RAB28: variants seen among roughly 807,000 people sequenced by gnomAD.
RAB28 encodes ras-related protein Rab-28.
In RAB28, 24 loss-of-function variants were observed where a neutral mutation model predicts 31.7. The observed-to-expected ratio is 0.76, with a 90% CI of 0.55 to 1.06. The LOEUF (loss-of-function observed/expected upper bound fraction) is 1.06, where lower values mean the gene tolerates loss of function less well. Ranked by LOEUF, RAB28 falls within the 50% of genes least tolerant of loss-of-function variation. RAB28 has a pLI of 0.00. For synonymous variants in RAB28, 100 were observed against 90.4 expected (o/e 1.11, Z -0.60); for missense variants, 254 against 258.5 (o/e 0.98, Z 0.12).
At chr4:13,466,546 A>G (rs1225777713) in intron 3 of RAB28, among the ~76,000 whole-genome samples, 1 of 151,968 alleles carries the variant, frequency 6.6e-6, no homozygotes, top group East Asian at 1.9e-4. Context: ...GAAAGATAAC[A>G]AGTATCAGTG....
At chr4:13,385,249 G>A (rs1172052541) in intron 4 of RAB28, among the ~76,000 whole-genome samples, 1 of 152,132 alleles carries the variant, frequency 6.6e-6, no homozygotes, top group Non-Finnish European at 1.5e-5. Flanking sequence ...AAACAGATGG[G>A]GAGATTGGAA....
intron 4 of RAB28, among the ~76,000 whole-genome samples, chr4:13,417,797 C>A (rs1045193805): frequency 8.5e-5 from 13 of 152,190 alleles, no homozygotes; most frequent in African/African-American, 3.1e-4. Context: ...GGGGAGAAAC[C>A]AGAGGAGAAA....
chr4:13,484,179 G>C lies in RAB28; in HGVS notation c.-29C>G. 1.3e-6 allele frequency: 2 copies of C among 1,551,360 alleles called. No individual in the cohort carries two copies. The highest frequency in any genetic ancestry group is 1.4e-5 in the African/African-American group (1 of 73,628). On this transcript the variant is annotated 5_prime_UTR_variant, in exon 1 of 7. Coordinates refer to ENST00000330852, the MANE Select transcript of RAB28 (RefSeq NM_001017979.3). ...GTCCCGGGAACCAGGCCCGCCCCTC[G>C]AGGTGGGGGGGGAAGGGAAGGATGA...
At chr4:13,483,035 C>G (rs1560150106) in intron 1 of RAB28, among the ~76,000 whole-genome samples, 1 of 152,124 alleles carries the variant, frequency 6.6e-6, no homozygotes, top group Non-Finnish European at 1.5e-5. Context: ...AAGGGGAGTA[C>G]AGGGGTGATA....
chr4:13,441,533 T>C (rs1196852029), intron 4 of RAB28, among the ~76,000 whole-genome samples: 2 of 152,178 alleles, frequency 1.3e-5, no homozygotes, highest in African/African-American at 4.8e-5. Context: ...CAGTGATACC[T>C]AAATAAAAGC....
At chr4:13,404,725 G>C (rs1711974052) in intron 4 of RAB28, among the ~76,000 whole-genome samples, 2 of 152,054 alleles carry the variant, frequency 1.3e-5, no homozygotes, top group Admixed American at 1.3e-4. Context: ...GCAGTGGTAG[G>C]GAGGAAGTTG....
chr4:13,478,874 G>A (rs1342296433), intron 2 of RAB28, among the ~76,000 whole-genome samples: 1 of 151,498 alleles, frequency 6.6e-6, no homozygotes, highest in Admixed American at 6.6e-5. Context: ...GAAACATCTT[G>A]AATGCTCAAA....
At position 13,479,430 on chromosome 4, in the gene RAB28, C is replaced by T; in HGVS notation, c.172G>A (p.Gly58Arg). The T allele has an allele frequency of 6.3e-7, 1 of 1,581,394 alleles. No homozygotes were observed. Reference sequence around the variant, plus strand: ...ACGTTAAGACTTTTTAGTCTCTTACCTGGCAATGTTATCCTTCTCAAAAAG... The same window carrying T: ...ACGTTAAGACTTTTTAGTCTCTTACTTGGCAATGTTATCCTTCTCAAAAAG... The part of the protein sequence containing the change: ...DFFLRRITLP[G>R]NLNVTLQIWD... Residue 58 changes from glycine to arginine, a missense_variant and splice_region_variant, in exon 2 of 7, where the codon GGA (glycine) becomes AGA (arginine). Gly to Arg is a moderately radical substitution (Grantham distance 125). Transcript: ENST00000330852.
chr4:13,473,347 T>C (rs905167833), intron 3 of RAB28, among the ~76,000 whole-genome samples: 1 of 151,824 alleles, frequency 6.6e-6, no homozygotes, highest in Non-Finnish European at 1.5e-5. Context: ...CTCCAGATGA[T>C]GTAGAAGATA....
chr4:13,475,886 G>A (rs1716340561), intron 2 of RAB28, among the ~76,000 whole-genome samples: 1 of 151,498 alleles, frequency 6.6e-6, no homozygotes, highest in African/African-American at 2.4e-5. Flanking sequence ...AAGCAGATGA[G>A]AAAGGGCTAG....
At chr4:13,417,306 G>A (rs1712839366) in intron 4 of RAB28, among the ~76,000 whole-genome samples, 1 of 152,184 alleles carries the variant, frequency 6.6e-6, no homozygotes, top group South Asian at 2.1e-4. Context: ...CCACCTCTGG[G>A]AACAGGGCAT....
chr4:13,424,342 A>G (rs1462400595), intron 4 of RAB28, among the ~76,000 whole-genome samples: 1 of 152,164 alleles, frequency 6.6e-6, no homozygotes, highest in Non-Finnish European at 1.5e-5. Context: ...AGTTACCCAC[A>G]AACTTTGGCA....
chr4:13,413,752 A>AT, intron 4 of RAB28, among the ~76,000 whole-genome samples: 1 of 152,360 alleles, frequency 6.6e-6, no homozygotes, highest in Non-Finnish European at 1.5e-5. Flanking sequence ...TGAGGAAGGG[A>AT]TTTTTAAAGA....
At chr4:13,378,660 T>C (rs1729012998) in intron 5 of RAB28, among the ~76,000 whole-genome samples, 1 of 152,150 alleles carries the variant, frequency 6.6e-6, no homozygotes, top group Non-Finnish European at 1.5e-5. Context: ...GCAATATCCT[T>C]GATTCAGCAA....
At chr4:13,406,910 T>A (rs1712127182) in intron 4 of RAB28, among the ~76,000 whole-genome samples, 1 of 152,202 alleles carries the variant, frequency 6.6e-6, no homozygotes, top group Admixed American at 6.5e-5. Context: ...CTTTGTCAAA[T>A]GGATAGATTT....
chr4:13,416,486 G>A (rs778715547), intron 4 of RAB28, among the ~76,000 whole-genome samples: 34 of 152,172 alleles, frequency 2.2e-4, no homozygotes, highest in Non-Finnish European at 2.9e-4. Context: ...TCCGGACACA[G>A]TATGTTTAAC....
intron 5 of RAB28, among the ~76,000 whole-genome samples, chr4:13,378,829 C>A (rs900349226): frequency 1.3e-5 from 2 of 152,098 alleles, no homozygotes; most frequent in Non-Finnish European, 2.9e-5. Context: ...CTGTTTGTTT[C>A]AAATTTCTTA....
At chr4:13,445,093 C>CTA (rs761189851) in intron 4 of RAB28, among the ~76,000 whole-genome samples, 1 of 151,802 alleles carries the variant, frequency 6.6e-6, no homozygotes, top group Non-Finnish European at 1.5e-5. Flanking sequence ...TCTTTTTTCT[C>CTA]TAATCTTGTC....
chr4:13,458,910 G>A (rs539747023), intron 4 of RAB28, among the ~76,000 whole-genome samples: 21 of 152,294 alleles, frequency 1.4e-4, no homozygotes, highest in African/African-American at 3.1e-4. Context: ...CTTGATTGGC[G>A]TGAAGGATGC....
Sources: allele counts gnomAD v4.1 joint callset (sites outside exome capture counted in the v4.1 genomes callset), GRCh38; gene constraint gnomAD v4.1.1; transcripts MANE v1.5; gene names NCBI Gene and HGNC (gene_info 2026-07-23, HGNC 2026-07-21).